The following FLYWCH1 variants were observed in gnomAD, a reference collection of about 807,000 sequenced individuals.
The protein encoded by FLYWCH1 is FLYWCH-type zinc finger-containing protein 1.
In FLYWCH1, 75 loss-of-function variants were observed where a neutral mutation model predicts 66.4. That is an observed-to-expected ratio of 1.13 (90% CI 0.94 to 1.37). The LOEUF (loss-of-function observed/expected upper bound fraction) is 1.37, where lower values mean the gene tolerates loss of function less well. Among genes scored for constraint, FLYWCH1 ranks in the 40% most tolerant of loss-of-function variants. The pLI is 0.00. For missense variants in FLYWCH1, 1,334 were observed against 1,001.8 expected (o/e 1.33, Z -4.48); for synonymous variants, 595 against 429.9 (o/e 1.38, Z -4.75).
chr16:2,936,255 C>T (rs2070994279), intron 6 of FLYWCH1: 1 of 382,564 alleles, frequency 2.6e-6, no homozygotes, highest in African/African-American at 2.1e-5. Context: ...TAAAGCGTGC[C>T]CCATGGTCAC....
At chr16:2,912,739 A>G (rs1456943693) in intron 1 of FLYWCH1, among the ~76,000 whole-genome samples, 1 of 152,158 alleles carries the variant, frequency 6.6e-6, no homozygotes, top group Non-Finnish European at 1.5e-5. Flanking sequence ...ACCCCGTTCC[A>G]AAAGGCTGCT....
At chr16:2,936,718 CCT>C in intron 6 of FLYWCH1, 2 of 473,188 alleles carry the variant, frequency 4.2e-6, no homozygotes, top group South Asian at 1.5e-5. Context: ...GGGGGCCACC[CCT>C]CTCAGCCCCA....
At chr16:2,942,519 C>A (rs1284718211) in intron 9 of FLYWCH1, among the ~76,000 whole-genome samples, 1 of 152,090 alleles carries the variant, frequency 6.6e-6, no homozygotes, top group Non-Finnish European at 1.5e-5. Context: ...GAGAAAACTA[C>A]AGACCAGTAT....
chr16:2,948,592 C>T (rs1281770862), intron 9 of FLYWCH1, 96 bp from the exon 10 acceptor site: 2 of 1,313,464 alleles, frequency 1.5e-6, no homozygotes, highest in Non-Finnish European at 2.2e-6. Flanking sequence ...TGTGGCATCC[C>T]CAGGAAAAAG....
intron 2 of FLYWCH1, among the ~76,000 whole-genome samples, chr16:2,929,262 C>T (rs896370408): frequency 7.9e-5 from 12 of 152,148 alleles, no homozygotes; most frequent in African/African-American, 2.2e-4. Context: ...AACGTTCTGC[C>T]GTCATAATGT....
At position 2,933,189 on chromosome 16, in the gene FLYWCH1, G is replaced by C. The variant is rs761336488; in HGVS notation, c.856G>C (p.Glu286Gln). 1.2e-6 allele frequency: 2 copies of C among 1,613,706 alleles called. No individual in the cohort carries two copies. Among genetic ancestry groups the C allele is most frequent in the East Asian group, 2.2e-5 (1 of 44,846 alleles). ...CTACGGGGGCAGCTTCCTGGTACAC[G>C]AGTCGTTCCTCTACAAGCGGGAGAA... is the stretch of plus-strand genomic sequence containing the variant. ...TCYGGSFLVH[E>Q]SFLYKREKAV... Residue 286 changes from glutamate to glutamine, a missense_variant, in exon 5 of 10, where the codon GAG becomes CAG. Transcript: ENST00000253928.
chr16:2,920,070 C>T (rs1444303440), intron 2 of FLYWCH1, among the ~76,000 whole-genome samples: 1 of 151,956 alleles, frequency 6.6e-6, no homozygotes, highest in Non-Finnish European at 1.5e-5. Flanking sequence ...AGTAGTTGTG[C>T]ATTTGAGTGG....
In FLYWCH1 at chr16:2,926,017, C is replaced by T. The variant is rs79467097; in HGVS notation, c.-73-3596C>T. Among the ~76,000 whole-genome samples the T allele has an allele frequency of 4.0e-3, 607 of 152,222 alleles. 8 individuals are homozygous for T. Among genetic ancestry groups the T allele is most frequent in the African/African-American group, 0.014 (577 of 41,520 alleles). On this transcript the variant is annotated intron_variant, in intron 2 of 9. Transcript: ENST00000253928. ...AGGCTGAGAGGTGGGAAAGACCCCA[C>T]CATCTGCCCACACTCAGTTGCCCCA...
intron 2 of FLYWCH1, chr16:2,922,939 C>T: frequency 2.5e-5 from 13 of 524,340 alleles, no homozygotes; most frequent in South Asian, 1.7e-4. Context: ...GGGCGCTCTT[C>T]CGAGGATATT....
At chr16:2,947,297 G>A (rs1336655037) in intron 9 of FLYWCH1, among the ~76,000 whole-genome samples, 2 of 152,226 alleles carry the variant, frequency 1.3e-5, no homozygotes, top group Non-Finnish European at 2.9e-5. Context: ...AGAAAGATTA[G>A]TGGCTGCCTG....
At chr16:2,947,450 C>T (rs566162744) in intron 9 of FLYWCH1, among the ~76,000 whole-genome samples, 8 of 152,192 alleles carry the variant, frequency 5.3e-5, no homozygotes, top group Admixed American at 2.0e-4. Flanking sequence ...AATTATAGCT[C>T]AGTAGAGCTC....
In FLYWCH1 at chr16:2,930,438, G is replaced by C; in HGVS notation, c.354G>C (p.Arg118Ser). 1 of 1,482,248 alleles carries C rather than the reference G, an allele frequency of 6.7e-7. No homozygotes were observed. Among genetic ancestry groups the C allele is most frequent in the Non-Finnish European group, 8.9e-7 (1 of 1,117,452 alleles). The allele number at this position is 1,482,248 out of a possible 1,614,324, so 91.8% of individuals were successfully genotyped here. ...AAAPQSLEFL[R>S]TPFGGRLLVL... is the part of the protein sequence containing the mutation. ...CCCCTCAGTCCCTGGAGTTCCTGAG[G>C]ACACCATTCGGGGGCCGCCTCCTGG... is the stretch of plus-strand genomic sequence containing the variant. The change falls in exon 4 of 10, where the codon AGG (arginine) becomes AGC (serine). Residue 118 changes from arginine (R) to serine (S), a missense_variant. Transcript: ENST00000253928.
chr16:2,918,212 A>G (rs1334240513), intron 2 of FLYWCH1, among the ~76,000 whole-genome samples: 2 of 138,814 alleles, frequency 1.4e-5, no homozygotes, highest in East Asian at 2.1e-4. Context: ...CAGTGGGGCA[A>G]TCTCGGCTCA....
intron 2 of FLYWCH1, chr16:2,928,960 TG>T (rs1259932396): frequency 1.3e-5 from 2 of 152,170 alleles, no homozygotes; most frequent in African/African-American, 4.8e-5. Flanking sequence ...GAAGTGGGGG[TG>T]GCCTGGGGCC....
rs74005528 is a variant in FLYWCH1 at position 2,933,535 on chromosome 16, C to T, written c.1202C>T (p.Thr401Ile). The part of the protein sequence containing the change: ...RAKVEDQELP[T>I]QPEAPDEHQD... ...AAGGTCGAAGACCAGGAGCTGCCAACCCAGCCCGAGGCCCCAGACGAGCAC... is the reference window on the plus strand; with the variant it reads ...AAGGTCGAAGACCAGGAGCTGCCAATCCAGCCCGAGGCCCCAGACGAGCAC... Residue 401 changes from threonine to isoleucine, a missense_variant, in exon 5 of 10, where the codon ACC becomes ATC. Transcript: ENST00000253928. 4.8e-4 allele frequency: 769 copies of T among 1,609,642 alleles called. 2 individuals carry two copies. The African/African-American group carries it at 8.7e-3, about 18-fold the overall frequency.
intron 9 of FLYWCH1, among the ~76,000 whole-genome samples, chr16:2,942,484 C>CA (rs1271146101): frequency 3.3e-5 from 5 of 152,038 alleles, no homozygotes; most frequent in African/African-American, 1.2e-4. Context: ...ACCCTGATAT[C>CA]AAAACCAAGC....
chr16:2,939,313 C>G (rs559133279), intron 8 of FLYWCH1, among the ~76,000 whole-genome samples: 2 of 151,952 alleles, frequency 1.3e-5, no homozygotes, highest in Non-Finnish European at 2.9e-5. Flanking sequence ...GACATGGTGA[C>G]GCATGCCTGT....
chr16:2,938,107 G>C (rs138029910), intron 7 of FLYWCH1, 77 bp from the exon 8 acceptor site: 2 of 1,424,448 alleles, frequency 1.4e-6, no homozygotes, highest in Non-Finnish European at 9.6e-7. Flanking sequence ...GGGCCTGGCT[G>C]GGGGATACAA....
intron 2 of FLYWCH1, among the ~76,000 whole-genome samples, chr16:2,927,343 G>A (rs2070606770): frequency 6.6e-6 from 1 of 152,178 alleles, no homozygotes; most frequent in Non-Finnish European, 1.5e-5. Context: ...GCCGGGGAAG[G>A]GGCTCCAGCA....
Sources: gnomAD v4.1 joint callset for allele counts (sites outside exome capture counted in the v4.1 genomes callset) on GRCh38, gnomAD v4.1.1 for gene constraint, MANE v1.5 for transcripts, NCBI Gene and HGNC (gene_info 2026-07-23, HGNC 2026-07-21) for gene names.